Variants in VPS8 observed in about 807,000 individuals in gnomAD.
The protein encoded by VPS8 is vacuolar protein sorting-associated protein 8 homolog.
A neutral mutation model predicts 216.4 loss-of-function variants in VPS8; 129 were observed. The ratio of observed to expected loss-of-function variants is 0.60; its 90% confidence interval spans 0.52 to 0.69. The LOEUF (loss-of-function observed/expected upper bound fraction) is 0.69. VPS8 is among the 30% of genes least tolerant of loss of function. The pLI, the probability that VPS8 is intolerant of heterozygous loss-of-function variation, is 0.00. For synonymous variants in VPS8, 571 were observed against 565.4 expected, an observed-to-expected ratio of 1.01 and a Z score of -0.14; for missense variants, 1,531 against 1,683.5, an observed-to-expected ratio of 0.91 and a Z score of 1.59.
chr3:185,010,036 A>G (rs551707036), intron 45 of VPS8, among the ~76,000 whole-genome samples: 72 of 151,798 alleles, frequency 4.7e-4, no homozygotes, highest in African/African-American at 1.7e-3. Context: ...AGATTGAACA[A>G]TGTCCCAGAC....
rs565240893 is a variant in VPS8 at position 184,999,444 on chromosome 3, A to G, written c.3837-252A>G. On this transcript the variant is annotated intron_variant, in intron 44 of 47. Coordinates refer to ENST00000625842, the MANE Select transcript of VPS8 (RefSeq NM_001009921.3). ...TGAACAGAAGTTCAACTCATCCTCT[A>G]GGTAGTTTTTAGTCAGAGAACTGTG... 1.1e-4 allele frequency among the ~76,000 whole-genome samples: 17 copies of G among 152,306 alleles called. 1 individual carries two copies. The South Asian group carries it at 3.5e-3, about 32-fold the overall frequency.
intron 2 of VPS8, chr3:184,825,116 C>G (rs555368448): frequency 7.0e-4 from 176 of 253,010 alleles, no homozygotes; most frequent in Non-Finnish European, 1.3e-3. Flanking sequence ...GTTGCCCAGG[C>G]TGGTCTCAAA....
At chr3:184,905,579 G>C (rs909239429) in intron 25 of VPS8, among the ~76,000 whole-genome samples, 1 of 142,724 alleles carries the variant, frequency 7.0e-6, no homozygotes, top group African/African-American at 2.6e-5. Context: ...GCTTTCTTCA[G>C]TTCTTTGGGT....
At chr3:184,830,828 C>T (rs867871971) in intron 3 of VPS8, among the ~76,000 whole-genome samples, 3 of 152,180 alleles carry the variant, frequency 2.0e-5, no homozygotes. Flanking sequence ...GTCTTATTGC[C>T]AGTCCTAACC....
intron 14 of VPS8, among the ~76,000 whole-genome samples, chr3:184,857,437 A>G (rs577938455): frequency 2.0e-5 from 3 of 152,384 alleles, no homozygotes; most frequent in African/African-American, 7.2e-5. Flanking sequence ...AAAGTCAGAA[A>G]TGGGATGTTT....
intron 14 of VPS8, among the ~76,000 whole-genome samples, chr3:184,857,646 A>G (rs16859357): frequency 0.23 from 34,614 of 152,130 alleles, 4,851 homozygotes; most frequent in East Asian, 0.63. Context: ...TGATCTTCCT[A>G]AAATGTCACT....
intron 2 of VPS8, chr3:184,825,144 T>G (rs1718471233): frequency 4.4e-6 from 1 of 224,896 alleles, no homozygotes; most frequent in Admixed American, 4.9e-5. Context: ...ACTTAAGCAG[T>G]TCTCCCTTCT....
At chr3:185,009,560 A>T (rs972311628) in intron 45 of VPS8, among the ~76,000 whole-genome samples, 12 of 152,178 alleles carry the variant, frequency 7.9e-5, no homozygotes, top group African/African-American at 2.9e-4. Flanking sequence ...GATTTTATAA[A>T]TGTAATATGA....
chr3:184,895,626 CT>C (rs1169209649), intron 23 of VPS8, among the ~76,000 whole-genome samples: 1 of 2,160 alleles, frequency 4.6e-4, no homozygotes, highest in African/African-American at 8.9e-4. Context: ...CCCCCTCCTC[CT>C]CCCCCCCCCC....
chr3:185,000,561 A>G (rs1753264269), intron 45 of VPS8, among the ~76,000 whole-genome samples: 1 of 150,668 alleles, frequency 6.6e-6, no homozygotes, highest in Admixed American at 6.6e-5. Flanking sequence ...TGGCCTTCAC[A>G]TTCACATCAC....
At chr3:184,908,485 G>A (rs1374618134) in intron 25 of VPS8, among the ~76,000 whole-genome samples, 1 of 152,248 alleles carries the variant, frequency 6.6e-6, no homozygotes, top group Admixed American at 6.5e-5. Flanking sequence ...CCAGACAAGG[G>A]TGCCCACGAC....
intron 45 of VPS8, among the ~76,000 whole-genome samples, chr3:185,005,135 T>C (rs1754064867): frequency 6.6e-6 from 1 of 152,214 alleles, no homozygotes; most frequent in Non-Finnish European, 1.5e-5. Flanking sequence ...TAGGGTGTCC[T>C]TTCCCCACTT....
intron 45 of VPS8, among the ~76,000 whole-genome samples, chr3:185,008,351 G>A (rs1181471466): frequency 2.0e-5 from 3 of 152,014 alleles, no homozygotes; most frequent in African/African-American, 7.2e-5. Flanking sequence ...TACCTGCATT[G>A]AGCCAAACAC....
intron 32 of VPS8, 140 bp from the exon 33 acceptor site, chr3:184,929,440 T>G (rs1350516375): frequency 3.4e-6 from 2 of 590,842 alleles, no homozygotes; most frequent in Non-Finnish European, 5.9e-6. Context: ...TCCTCTTGCC[T>G]CAGCCTCCCA....
chr3:184,873,271 C>T (rs950148940), intron 21 of VPS8, among the ~76,000 whole-genome samples: 3 of 152,012 alleles, frequency 2.0e-5, no homozygotes, highest in African/African-American at 7.2e-5. Context: ...GTCTTTCTGA[C>T]TTCAAAGCCC....
chr3:184,950,480 A>G (rs1744497823), intron 36 of VPS8, among the ~76,000 whole-genome samples: 1 of 152,068 alleles, frequency 6.6e-6, no homozygotes, highest in Non-Finnish European at 1.5e-5. Flanking sequence ...CTATTTAGAT[A>G]CAGTTTTTAG....
In VPS8 at chr3:185,052,089, C is replaced by T. The variant is rs890380294; in HGVS notation, c.*64C>T. 9.2e-6 allele frequency: 14 copies of T among 1,518,558 alleles called. No homozygotes were observed. The highest frequency in any genetic ancestry group is 6.9e-5 in the African/African-American group (5 of 72,390). The allele number at this position is 1,518,558 out of a possible 1,614,324, so 94.1% of individuals were successfully genotyped here. ...TCCCGAGGCAGCTGGGGAGAGGCCCCGCCTCTGGTGGGCTTGGCCTCCACC... is the reference window on the plus strand; with the variant it reads ...TCCCGAGGCAGCTGGGGAGAGGCCCTGCCTCTGGTGGGCTTGGCCTCCACC... On this transcript the variant is annotated 3_prime_UTR_variant, in exon 48 of 48. Coordinates refer to ENST00000625842, the MANE Select transcript of VPS8 (RefSeq NM_001009921.3).
intron 1 of VPS8, among the ~76,000 whole-genome samples, chr3:184,820,672 C>A (rs535450389): frequency 6.6e-6 from 1 of 152,226 alleles, no homozygotes; most frequent in East Asian, 1.9e-4. Context: ...CCTTTTGATT[C>A]ACCAGGTCTC....
chr3:185,009,887 A>G (rs1754762142), intron 45 of VPS8, among the ~76,000 whole-genome samples: 1 of 151,606 alleles, frequency 6.6e-6, no homozygotes, highest in Non-Finnish European at 1.5e-5. Context: ...TGAGAGCCAT[A>G]CAGAGGGCTC....
Sources: gnomAD v4.1 joint callset for allele counts (sites outside exome capture counted in the v4.1 genomes callset) on GRCh38, gnomAD v4.1.1 for gene constraint, MANE v1.5 for transcripts, NCBI Gene and HGNC (gene_info 2026-07-23, HGNC 2026-07-21) for gene names.